Variants in HAL observed in about 807,000 individuals in gnomAD.
HAL encodes histidase.
A neutral mutation model predicts 81.1 loss-of-function variants in HAL; 85 were observed. The ratio of observed to expected loss-of-function variants is 1.05; its 90% confidence interval spans 0.88 to 1.25. The LOEUF (loss-of-function observed/expected upper bound fraction) is 1.25, where lower values mean the gene tolerates loss of function less well. Among genes scored for constraint, HAL ranks in the 50% most tolerant of loss-of-function variants. HAL has a pLI of 0.00. For synonymous variants in HAL, 301 were observed against 309.2 expected (o/e 0.97, Z 0.28); for missense variants, 798 against 836.6 (o/e 0.95, Z 0.57).
In HAL at chr12:95,980,642, G is replaced by A; in HGVS notation, c.1433C>T (p.Ser478Phe). The change falls in exon 17 of 21, where the codon TCC becomes TTC. Residue 478 changes from serine to phenylalanine, a missense_variant. Transcript: ENST00000261208. Reference sequence around the variant, plus strand: ...CAGGAAGGCAGGCAGCTCACTGAGGGAGGGATTGCAGAGCCGCTCGATTCT... The same window carrying A: ...CAGGAAGGCAGGCAGCTCACTGAGGAAGGGATTGCAGAGCCGCTCGATTCT... Reference protein sequence around the residue: ...ERRIERLCNPSLSELPAFLVA... With the variant: ...ERRIERLCNPFLSELPAFLVA... 6.2e-7 allele frequency: 1 copy of A among 1,614,032 alleles called. No individual in the cohort carries two copies. The highest frequency in any genetic ancestry group is 8.5e-7 in the Non-Finnish European group (1 of 1,179,858).
In HAL at chr12:95,995,896, C is replaced by T. The variant is rs750827878; in HGVS notation, c.15G>A (p.Thr5=). 6.2e-7 allele frequency: 1 copy of T among 1,604,840 alleles called. No homozygotes were observed. Among genetic ancestry groups the T allele is most frequent in the East Asian group, 2.2e-5 (1 of 44,880 alleles). MPRY[T]VHVRGEWLAV... ...CCAGCCATTCCCCACGTACGTGCAC[C>T]GTGTATCTGGGCATGGCTCCGCTGC... The change falls in exon 2 of 21, where the codon ACG becomes ACA. Residue 5 remains threonine (T), a synonymous_variant. Transcript: ENST00000261208.
Position 95,987,219 on chromosome 12 carries a change from CG to C in HAL, c.904-6del. ...CCCATTGATGAGTGCCAGGCCCTGTCGGGGGAGAGAGCAAAGTTTCCTACTG... is the reference window on the plus strand; with the variant it reads ...CCCATTGATGAGTGCCAGGCCCTGTCGGGGAGAGAGCAAAGTTTCCTACTG... On this transcript the variant is annotated splice_polypyrimidine_tract_variant and splice_region_variant and intron_variant, in intron 11 of 20. Transcript: ENST00000261208. 6.2e-7 allele frequency: 1 copy of C among 1,612,940 alleles called. No individual in the cohort carries two copies. The highest frequency in any genetic ancestry group is 1.1e-5 in the South Asian group (1 of 91,038).
At chr12:95,978,139 C>T (rs563655897) in intron 17 of HAL, 61 bp from the exon 18 acceptor site, 19 of 1,409,990 alleles carry the variant, frequency 1.3e-5, no homozygotes, top group African/African-American at 7.1e-5. Context: ...CTAAAGGACC[C>T]GTGGCTTCCA....
In HAL at chr12:95,980,574, A is replaced by C. The variant is rs1450458185; in HGVS notation, c.1501T>G (p.Cys501Gly). The C allele has an allele frequency of 6.2e-7, 1 of 1,613,708 alleles. No homozygotes were observed. The highest frequency in any genetic ancestry group is 2.2e-5 in the East Asian group (1 of 44,898). Residue 501 changes from cysteine (C) to glycine (G), a missense_variant, in exon 17 of 21, where the codon TGC (cysteine) becomes GGC (glycine). Transcript: ENST00000261208. ...GLNSGFMIAH[C>G]TAAALVSENK... ...TCCTTACCAAGGGCTGCTGCCGTGC[A>C]GTGAGCTATCATGAACCCAGAGTTC...
chr12:95,987,054 G>A lies in HAL; in HGVS notation c.1051+13C>T. 6.2e-7 allele frequency: 1 copy of A among 1,609,502 alleles called. No homozygotes were observed. The highest frequency in any genetic ancestry group is 1.7e-5 in the Admixed American group (1 of 60,022). On this transcript the variant is annotated intron_variant, in intron 12 of 20. Coordinates refer to ENST00000261208, the MANE Select transcript of HAL (RefSeq NM_002108.4). The stretch of plus-strand genomic sequence containing the variant: ...TTGAATGAATAACAACCAAAAGGAA[G>A]AACCCTGCTGACCAGTGTCAAAGGC...
chr12:95,981,131 C>A (rs956916951), intron 15 of HAL, among the ~76,000 whole-genome samples: 1 of 152,126 alleles, frequency 6.6e-6, no homozygotes, highest in African/African-American at 2.4e-5. Flanking sequence ...TTCTAAAGCA[C>A]CATAACTGTA....
intron 17 of HAL, among the ~76,000 whole-genome samples, chr12:95,979,963 A>T (rs1182763996): frequency 1.3e-5 from 2 of 152,258 alleles, no homozygotes; most frequent in African/African-American, 4.8e-5. Flanking sequence ...CTTAGTACTT[A>T]CTTAGTGCCA....
Position 95,985,912 on chromosome 12 carries a change from G to T in HAL, c.1202C>A (p.Pro401Gln). The change falls in exon 14 of 21, where the codon CCA becomes CAA. Residue 401 changes from proline (P) to glutamine (Q), a missense_variant. Transcript: ENST00000261208. Reference sequence around the variant, plus strand: ...TTTTTTTTTTCTTTATTTTACCTGTGGACAGCAGCGCAAGGTGTATGCATC... The same window carrying T: ...TTTTTTTTTTCTTTATTTTACCTGTTGACAGCAGCGCAAGGTGTATGCATC... Reference protein sequence around the residue: ...VQDAYTLRCCPQVHGVVNDTI... With the variant: ...VQDAYTLRCCQQVHGVVNDTI... 6.3e-7 allele frequency: 1 copy of T among 1,598,872 alleles called. No homozygotes were observed. Among genetic ancestry groups the T allele is most frequent in the Non-Finnish European group, 8.6e-7 (1 of 1,167,530 alleles).
At chr12:95,988,802 G>T (rs999013162) in intron 10 of HAL, among the ~76,000 whole-genome samples, 3 of 152,164 alleles carry the variant, frequency 2.0e-5, no homozygotes, top group Non-Finnish European at 2.9e-5. Context: ...CCGAGGGGGC[G>T]ATGGGCAGAA....
chr12:95,975,795 T>C (rs1329622080), intron 20 of HAL, among the ~76,000 whole-genome samples: 1 of 152,146 alleles, frequency 6.6e-6, no homozygotes, highest in Non-Finnish European at 1.5e-5. Flanking sequence ...GCAACTGTTT[T>C]AAGGAAATCA....
In HAL at chr12:95,996,281, C is replaced by T. The variant is rs1340177360; in HGVS notation, c.-285G>A. Reference sequence around the variant, plus strand: ...GGTCCCCAATTTCTCTCTCTTCCCTCGTTTCTGTCTGTGTTCTCTGCCATT... The same window carrying T: ...GGTCCCCAATTTCTCTCTCTTCCCTTGTTTCTGTCTGTGTTCTCTGCCATT... On this transcript the variant is annotated 5_prime_UTR_variant, in exon 1 of 21. Coordinates refer to ENST00000261208, the MANE Select transcript of HAL (RefSeq NM_002108.4). 3 of 305,720 alleles carry T rather than the reference C, an allele frequency of 9.8e-6. No homozygotes were observed. Among genetic ancestry groups the T allele is most frequent in the Non-Finnish European group, 1.3e-5 (2 of 156,018 alleles). The allele number at this position is 305,720 out of a possible 1,614,324, so 18.9% of individuals were successfully genotyped here.
rs1328149915 is a variant in HAL, at chr12:95,973,612, A to G, written c.*620T>C. 1.3e-5 allele frequency: 2 copies of G among 153,202 alleles called. No individual in the cohort carries two copies. The highest frequency in any genetic ancestry group is 2.9e-5 in the Non-Finnish European group (2 of 68,742). 9.5% of individuals were successfully genotyped at this position (153,202 alleles called of 1,614,324 possible). Reference sequence around the variant, plus strand: ...TCATTCCTTATCTCCTTTGCACATGAAACTCCTTGTTGGTTTTAATCACCT... The same window carrying G: ...TCATTCCTTATCTCCTTTGCACATGGAACTCCTTGTTGGTTTTAATCACCT... On this transcript the variant is annotated 3_prime_UTR_variant, in exon 21 of 21. Coordinates refer to ENST00000261208, the MANE Select transcript of HAL (RefSeq NM_002108.4).
intron 20 of HAL, among the ~76,000 whole-genome samples, chr12:95,975,604 C>A (rs10777763): frequency 3.3e-5 from 5 of 152,000 alleles, no homozygotes; most frequent in Non-Finnish European, 7.4e-5. Flanking sequence ...AGCCAAGGAG[C>A]CTTTCCTATT....
intron 14 of HAL, 123 bp downstream of exon 14, chr12:95,985,785 C>T (rs1204556698): frequency 1.0e-5 from 7 of 696,752 alleles, no homozygotes; most frequent in Non-Finnish European, 1.8e-5. Flanking sequence ...GAAATTTGGA[C>T]TATAGTTGAC....
Position 95,995,956 on chromosome 12 carries a change from A to C in HAL, c.-46T>G. ...TCCTCAGCTGGTCACAGGAGGGGAG[A>C]GCTTTATGCAGGAGTGGCTACCGGG... On this transcript the variant is annotated 5_prime_UTR_variant, in exon 2 of 21. Coordinates refer to ENST00000261208, the MANE Select transcript of HAL (RefSeq NM_002108.4). The C allele has an allele frequency of 6.3e-7, 1 of 1,594,822 alleles. No homozygotes were observed. The highest frequency in any genetic ancestry group is 8.5e-7 in the Non-Finnish European group (1 of 1,176,714).
At chr12:95,975,828 C>A (rs772604418) in intron 20 of HAL, among the ~76,000 whole-genome samples, 1 of 152,148 alleles carries the variant, frequency 6.6e-6, no homozygotes, top group African/African-American at 2.4e-5. Flanking sequence ...GAACATAACA[C>A]CCACAAGTTA....
chr12:95,986,032 C>T (rs1949882755), intron 13 of HAL, 33 bp downstream of exon 13: 1 of 1,561,098 alleles, frequency 6.4e-7, no homozygotes, highest in South Asian at 1.1e-5. Flanking sequence ...AAACACGTAA[C>T]CAAATAGGTC....
Position 95,995,717 on chromosome 12 carries a change from T to C in HAL, c.194A>G (p.Asp65Gly). 1 of 1,613,834 alleles carries C rather than the reference T, an allele frequency of 6.2e-7. No individual in the cohort carries two copies. The highest frequency in any genetic ancestry group is 8.5e-7 in the Non-Finnish European group (1 of 1,180,028). ...VRRCKGLGLL[D>G]NEDRLEVALE... is the part of the protein sequence containing the mutation. ...GGCCACCTCGAGCCGGTCCTCGTTG[T>C]CCAGCAGGCCCAGGCCCTTGCACCG... is the stretch of plus-strand genomic sequence containing the variant. The change falls in exon 2 of 21, where the codon GAC (aspartate) becomes GGC (glycine). Residue 65 changes from aspartate to glycine, a missense_variant. Physicochemically the swap from Asp to Gly is moderately conservative, Grantham distance 94 (BLOSUM62 -1). Transcript: ENST00000261208.
At position 95,976,497 on chromosome 12, in the gene HAL, G is replaced by T; in HGVS notation, c.1765C>A (p.Pro589Thr). Reference sequence around the variant, plus strand: ...GCCATGAAGCGATCTTTTATCCAGGGCCTACAGGGAGAGCACATCCGCCCA... The same window carrying T: ...GCCATGAAGCGATCTTTTATCCAGGTCCTACAGGGAGAGCACATCCGCCCA... ...VYDLVRSVVRPWIKDRFMAPD... is the reference protein window; with the variant it reads ...VYDLVRSVVRTWIKDRFMAPD... The change falls in exon 20 of 21, where the codon CCC becomes ACC. Residue 589 changes from proline to threonine, a missense_variant and splice_region_variant. By Grantham distance (38) the Pro-to-Thr change is conservative. Coordinates refer to ENST00000261208, the MANE Select transcript of HAL (RefSeq NM_002108.4). The T allele has an allele frequency of 1.9e-6, 3 of 1,613,912 alleles. No individual in the cohort carries two copies. Among genetic ancestry groups the T allele is most frequent in the Non-Finnish European group, 2.5e-6 (3 of 1,179,776 alleles).
Sources: allele counts gnomAD v4.1 joint callset (sites outside exome capture counted in the v4.1 genomes callset), GRCh38; gene constraint gnomAD v4.1.1; transcripts MANE v1.5; gene names NCBI Gene and HGNC (gene_info 2026-07-23, HGNC 2026-07-21).